The following CSN3 variants were observed in gnomAD, a reference collection of about 807,000 sequenced individuals.
CSN3 encodes the protein kappa-casein.
In CSN3, 7 loss-of-function variants were observed where a neutral mutation model predicts 9.9. That is an observed-to-expected ratio of 0.71 (90% CI 0.40 to 1.33). The LOEUF is 1.33. Among genes scored for constraint, CSN3 ranks in the 40% most tolerant of loss-of-function variants. The pLI is 0.01. For missense variants in CSN3, 253 were observed against 227.9 expected, an observed-to-expected ratio of 1.11 and a Z score of -0.71; for synonymous variants, 88 against 82.3, an observed-to-expected ratio of 1.07 and a Z score of -0.37.
At chr4:70,244,404 C>A (rs988643941) in intron 1 of CSN3, among the ~76,000 whole-genome samples, 1 of 152,040 alleles carries the variant, frequency 6.6e-6, no homozygotes, top group African/African-American at 2.4e-5. Flanking sequence ...CACACAAAGA[C>A]TGCTGCTTCT....
At chr4:70,244,816 A>G (rs1235745794) in exon 2 of CSN3, 2 of 1,533,150 alleles carry the variant, frequency 1.3e-6, no homozygotes, top group Admixed American at 1.9e-5. Context: ...CTTTAGGTGC[A>G]ATAATGAAGA....
chr4:70,238,957 T>C (rs1431703708), upstream of CSN3, among the ~76,000 whole-genome samples: 1 of 151,848 alleles, frequency 6.6e-6, no homozygotes, highest in Admixed American at 6.6e-5. Context: ...AATTTGGAGA[T>C]GTCTATTTTA....
At chr4:70,247,767 T>C in intron 2 of CSN3, 51 bp from the exon 3 acceptor site, 1 of 1,472,850 alleles carries the variant, frequency 6.8e-7, no homozygotes, top group Non-Finnish European at 9.3e-7. Flanking sequence ...AAGTACTTTT[T>C]TTTTCTTTTT....
intron 4 of CSN3, among the ~76,000 whole-genome samples, chr4:70,249,806 T>C (rs1421156485): frequency 2.0e-5 from 3 of 152,184 alleles, no homozygotes; most frequent in Non-Finnish European, 2.9e-5. Flanking sequence ...ACACAAACTA[T>C]GACAGTAGAG....
chr4:70,242,377 T>C (rs909886036), upstream of CSN3, among the ~76,000 whole-genome samples: 1 of 147,700 alleles, frequency 6.8e-6, no homozygotes, highest in Non-Finnish European at 1.5e-5. Flanking sequence ...TAGTTACATA[T>C]GTATACATGT....
chr4:70,248,028 G>A (rs1730413967), intron 3 of CSN3, among the ~76,000 whole-genome samples, 178 bp downstream of exon 3: 1 of 151,986 alleles, frequency 6.6e-6, no homozygotes, highest in Non-Finnish European at 1.5e-5. Context: ...CAACATTGAT[G>A]TTCATCTGAA....
rs763589871 is a variant in CSN3, at chr4:70,247,845, C to T, written c.82C>T (p.Pro28Ser). Residue 28 changes from proline (P) to serine (S), a missense_variant, in exon 3 of 5, where the codon CCA becomes TCA. Physicochemically the swap from Pro to Ser is moderately conservative, Grantham distance 74 (BLOSUM62 -1). Transcript: ENST00000304954. Reference sequence around the variant, plus strand: ...TGTGGAGGTTCAAAACCAGAAACAACCAGCAGTAAGTCTATTTTAATTACT... The same window carrying T: ...TGTGGAGGTTCAAAACCAGAAACAATCAGCAGTAAGTCTATTTTAATTACT... 4 of 1,596,350 alleles carry T rather than the reference C, an allele frequency of 2.5e-6. No individual in the cohort carries two copies. In the Admixed American group the frequency reaches 7.0e-5, roughly 28 times the overall value.
chr4:70,238,714 T>C (rs564420433), upstream of CSN3, among the ~76,000 whole-genome samples: 2 of 151,762 alleles, frequency 1.3e-5, no homozygotes, highest in South Asian at 4.2e-4. Context: ...GCAACAAAGG[T>C]CAGATTAGAA....
intron 2 of CSN3, among the ~76,000 whole-genome samples, chr4:70,246,704 C>T (rs62308384): frequency 0.12 from 16,229 of 141,088 alleles, 1,204 homozygotes; most frequent in East Asian, 0.26. Context: ...CAGAGTCTCG[C>T]TTGGTCGCCC....
chr4:70,246,599 T>C (rs547339456), intron 2 of CSN3, among the ~76,000 whole-genome samples: 1 of 152,138 alleles, frequency 6.6e-6, no homozygotes, highest in African/African-American at 2.4e-5. Flanking sequence ...ATAACATAGG[T>C]TGATATCGCA....
At chr4:70,243,296 T>C (rs1329376201) in intron 1 of CSN3, 2 of 269,132 alleles carry the variant, frequency 7.4e-6, no homozygotes, top group Non-Finnish European at 1.1e-5. Context: ...TGTGAACTGA[T>C]AAGGGGTCTG....
intron 2 of CSN3, among the ~76,000 whole-genome samples, chr4:70,246,151 C>T (rs1456608804): frequency 6.6e-6 from 1 of 151,960 alleles, no homozygotes; most frequent in Non-Finnish European, 1.5e-5. Flanking sequence ...AATGTGATAC[C>T]ATGTTATATG....
At chr4:70,244,964 C>A in intron 2 of CSN3, 91 bp downstream of exon 2, 2 of 595,844 alleles carry the variant, frequency 3.4e-6, no homozygotes, top group Non-Finnish European at 5.6e-6. Context: ...TACAATTATG[C>A]TTCATAGAAC....
In CSN3 at chr4:70,244,951, A is replaced by G. The variant is rs974584047; in HGVS notation, c.54+78A>G. The G allele has an allele frequency of 8.2e-6, 6 of 734,328 alleles. No homozygotes were observed. The African/African-American group carries it at 9.1e-5, about 11-fold the overall frequency. The allele number at this position is 734,328 out of a possible 1,614,324, so 45.5% of individuals were successfully genotyped here. On this transcript the variant is annotated intron_variant, in intron 2 of 4. Transcript: ENST00000304954. Reference sequence around the variant, plus strand: ...AAGGGCTTTAACTATGCAAACTTCTAAATACAATTATGCTTCATAGAACAA... The same window carrying G: ...AAGGGCTTTAACTATGCAAACTTCTGAATACAATTATGCTTCATAGAACAA...
chr4:70,243,227 A>G (rs1730307129), intron 1 of CSN3: 1 of 868,974 alleles, frequency 1.2e-6, no homozygotes. Context: ...TGTTTGTGCC[A>G]AAAGGAAATT....
intron 1 of CSN3, among the ~76,000 whole-genome samples, chr4:70,243,925 A>G (rs1416649011): frequency 6.6e-6 from 1 of 152,126 alleles, no homozygotes; most frequent in African/African-American, 2.4e-5. Flanking sequence ...TGTTATAAAG[A>G]AAACAGTCTC....
intron 4 of CSN3, among the ~76,000 whole-genome samples, chr4:70,250,610 A>T (rs1730464160): frequency 6.6e-6 from 1 of 152,174 alleles, no homozygotes; most frequent in Non-Finnish European, 1.5e-5. Context: ...AAAACCGTAC[A>T]TAATTATGTC....
At chr4:70,238,645 G>C (rs1730217287), upstream of CSN3, among the ~76,000 whole-genome samples, 1 of 151,890 alleles carries the variant, frequency 6.6e-6, no homozygotes, top group African/African-American at 2.4e-5. Flanking sequence ...AAAGTAAAGA[G>C]ACCAAAAACA....
upstream of CSN3, among the ~76,000 whole-genome samples, chr4:70,239,016 T>C (rs1730223300): frequency 6.6e-6 from 1 of 151,882 alleles, no homozygotes; most frequent in South Asian, 2.1e-4. Flanking sequence ...GAATCTACAG[T>C]TCAGTGAAGG....
Sources: gnomAD v4.1 joint callset for allele counts (sites outside exome capture counted in the v4.1 genomes callset) on GRCh38, gnomAD v4.1.1 for gene constraint, MANE v1.5 for transcripts, NCBI Gene and HGNC (gene_info 2026-07-23, HGNC 2026-07-21) for gene names.